Variants in LRP1B observed in about 807,000 individuals in gnomAD.
LRP1B encodes the protein LDL receptor related protein 1B, also known as low-density lipoprotein receptor-related protein 1B.
Under a neutral mutation model 556.6 loss-of-function variants are expected in LRP1B, and 217 were observed. The observed-to-expected ratio is 0.39, with a 90% confidence interval of 0.35 to 0.44. LRP1B has a LOEUF of 0.44. Among genes scored for constraint, LRP1B ranks in the 20% least tolerant of loss-of-function variants. The pLI, the probability that LRP1B is intolerant of heterozygous loss-of-function variation, is 1.00. For synonymous variants in LRP1B, 2,047 were observed against 1,865.8 expected, an observed-to-expected ratio of 1.10 and a Z score of -2.50; for missense variants, 5,053 against 5,620.8, an observed-to-expected ratio of 0.90 and a Z score of 3.23.
chr2:140,650,029 T>C (rs1684619574), intron 41 of LRP1B, among the ~76,000 whole-genome samples: 1 of 152,142 alleles, frequency 6.6e-6, no homozygotes, highest in Non-Finnish European at 1.5e-5. Context: ...TTTTGAGAAA[T>C]ATTTACTTTT....
chr2:142,042,169 G>A (rs141547906), intron 1 of LRP1B, among the ~76,000 whole-genome samples: 10 of 151,214 alleles, frequency 6.6e-5, no homozygotes, highest in African/African-American at 1.7e-4. Context: ...TACTGTCTGC[G>A]GTACATTATA....
In LRP1B at chr2:141,362,642, T is replaced by C. The variant is rs183961360; in HGVS notation, c.344-108001A>G. ...ATTTCTTTCAAAATTCAGCAATATT[T>C]TCACAGACAAAATTGCAAATTCTTC... On this transcript the variant is annotated intron_variant, in intron 3 of 90. Transcript: ENST00000389484. Among the ~76,000 whole-genome samples the C allele has an allele frequency of 1.7e-3, 260 of 152,326 alleles. 1 individual carries two copies. The highest frequency in any genetic ancestry group is 3.1e-3 in the Non-Finnish European group (214 of 68,026).
intron 41 of LRP1B, among the ~76,000 whole-genome samples, chr2:140,603,584 C>A (rs568312886): frequency 3.0e-4 from 45 of 152,224 alleles, no homozygotes; most frequent in Admixed American, 2.7e-3. Flanking sequence ...CTCTTCGTAA[C>A]TTTCTCTTGC....
chr2:141,171,158 C>A (rs553093391), intron 7 of LRP1B, among the ~76,000 whole-genome samples: 3 of 152,192 alleles, frequency 2.0e-5, no homozygotes, highest in African/African-American at 7.2e-5. Context: ...ACACTTGTTA[C>A]AATTACTGAA....
In LRP1B at chr2:140,536,682, G is replaced by A. The variant is rs774854037; in HGVS notation, c.7541C>T (p.Ser2514Leu). The A allele has an allele frequency of 1.1e-5, 18 of 1,598,156 alleles. No homozygotes were observed. The East Asian group carries it at 1.6e-4, about 14-fold the overall frequency. Reference protein sequence around the residue: ...VTKNSSCNAYSEFECGNGECI... With the variant: ...VTKNSSCNAYLEFECGNGECI... ...CTCACCATTTCCACATTCAAACTCC[G>A]AATAAGCGTTGCAGGAGGAATTTTT... The change falls in exon 46 of 91, where the codon TCG (serine) becomes TTG (leucine). Residue 2514 changes from serine to leucine, a missense_variant. Physicochemically the swap from Ser to Leu is moderately radical, Grantham distance 145. Transcript: ENST00000389484.
At chr2:140,874,469 G>A (rs1240658659) in intron 25 of LRP1B, among the ~76,000 whole-genome samples, 1 of 151,904 alleles carries the variant, frequency 6.6e-6, no homozygotes, top group African/African-American at 2.4e-5. Flanking sequence ...TAAAGGAAAT[G>A]TTTTCTTCCA....
At chr2:140,623,041 A>G (rs989814190) in intron 41 of LRP1B, among the ~76,000 whole-genome samples, 1 of 152,212 alleles carries the variant, frequency 6.6e-6, no homozygotes, top group Non-Finnish European at 1.5e-5. Flanking sequence ...CATATTTTTA[A>G]AAATATGGCC....
intron 41 of LRP1B, among the ~76,000 whole-genome samples, chr2:140,698,807 CT>C (rs1188364248): frequency 6.6e-6 from 1 of 152,046 alleles, no homozygotes; most frequent in Non-Finnish European, 1.5e-5. Context: ...ATTGGTCTAT[CT>C]TGCACTTTGA....
intron 1 of LRP1B, among the ~76,000 whole-genome samples, chr2:142,056,566 G>C (rs992827071): frequency 6.6e-6 from 1 of 152,008 alleles, no homozygotes; most frequent in Non-Finnish European, 1.5e-5. Context: ...CTTTATTCTG[G>C]ACAGGGAAGT....
intron 3 of LRP1B, among the ~76,000 whole-genome samples, chr2:141,367,600 A>T (rs1417155665): frequency 7.1e-6 from 1 of 140,654 alleles, no homozygotes; most frequent in Non-Finnish European, 1.5e-5. Flanking sequence ...CTCCTTCCCC[A>T]GCCTCCCAAG....
At position 140,460,142 on chromosome 2, in the gene LRP1B, A is replaced by G. The variant is rs528474411; in HGVS notation, c.9626-2491T>C. On this transcript the variant is annotated intron_variant, in intron 60 of 90. Transcript: ENST00000389484. ...AAGTAACTTGGCAAAAGAGGGGTAG[A>G]AAAAAACTAGTAAATAAAAGTACTG... 3.9e-5 allele frequency among the ~76,000 whole-genome samples: 6 copies of G among 152,276 alleles called. No homozygotes were observed. In the East Asian group the frequency reaches 1.2e-3, roughly 29 times the overall value.
intron 41 of LRP1B, among the ~76,000 whole-genome samples, chr2:140,673,684 C>T (rs1369238788): frequency 2.0e-5 from 3 of 152,084 alleles, no homozygotes; most frequent in African/African-American, 7.2e-5. Context: ...AGATTCTAAG[C>T]CGTGAACCAA....
intron 41 of LRP1B, among the ~76,000 whole-genome samples, chr2:140,652,634 G>A (rs1335331547): frequency 6.6e-6 from 1 of 151,900 alleles, no homozygotes; most frequent in East Asian, 1.9e-4. Flanking sequence ...AGTTTTGAGC[G>A]ACAAAGATTA....
intron 2 of LRP1B, among the ~76,000 whole-genome samples, chr2:141,577,249 A>C (rs1431615194): frequency 6.6e-6 from 1 of 152,102 alleles, no homozygotes; most frequent in Non-Finnish European, 1.5e-5. Flanking sequence ...TAGAAGAATG[A>C]CTTGGTTTTT....
intron 52 of LRP1B, 141 bp from the exon 53 acceptor site, chr2:140,507,059 A>G: frequency 1.4e-6 from 1 of 695,062 alleles, no homozygotes; most frequent in Non-Finnish European, 2.3e-6. Flanking sequence ...AATATTCAAT[A>G]CATCAGATAA....
At chr2:141,403,745 C>T (rs1425479232) in intron 3 of LRP1B, among the ~76,000 whole-genome samples, 7 of 152,028 alleles carry the variant, frequency 4.6e-5, no homozygotes, top group East Asian at 1.9e-4. Context: ...AAGTATGAAA[C>T]GCTCAAGTAC....
chr2:141,919,359 C>T (rs958756082), intron 1 of LRP1B, among the ~76,000 whole-genome samples: 1 of 151,916 alleles, frequency 6.6e-6, no homozygotes, highest in African/African-American at 2.4e-5. Flanking sequence ...ACTTCTGATA[C>T]CACTATTTCA....
At chr2:141,469,555 G>A (rs3935991) in intron 3 of LRP1B, among the ~76,000 whole-genome samples, 104,176 of 151,936 alleles carry the variant, frequency 0.69, 37,152 homozygotes, top group East Asian at 0.84. Context: ...CCTTCCATGC[G>A]ATTCCATGGA....
intron 41 of LRP1B, among the ~76,000 whole-genome samples, chr2:140,642,989 T>C (rs1684357181): frequency 6.6e-6 from 1 of 152,226 alleles, no homozygotes; most frequent in African/African-American, 2.4e-5. Flanking sequence ...TATTCCATCT[T>C]GTGATGAAAA....
Sources: allele counts gnomAD v4.1 joint callset (sites outside exome capture counted in the v4.1 genomes callset), GRCh38; gene constraint gnomAD v4.1.1; transcripts MANE v1.5; gene names NCBI Gene and HGNC (gene_info 2026-07-23, HGNC 2026-07-21).